Variants in CPEB3 observed in about 807,000 individuals in gnomAD.
The protein encoded by CPEB3 is cytoplasmic polyadenylation element binding protein 3.
In CPEB3, 20 loss-of-function variants were observed where a neutral mutation model predicts 67.2. The observed-to-expected ratio is 0.30, with a 90% CI of 0.21 to 0.43. The LOEUF (loss-of-function observed/expected upper bound fraction) is 0.43. CPEB3 is among the 20% of genes least tolerant of loss of function. The pLI is 1.00. For synonymous variants in CPEB3, 376 were observed against 393.1 expected (o/e 0.96, Z 0.51); for missense variants, 746 against 968.6 (o/e 0.77, Z 3.05).
chr10:92,216,646 T>G, intron 2 of CPEB3: 1 of 1,607,630 alleles, frequency 6.2e-7, no homozygotes. Context: ...ATCTGCCCTA[T>G]GTCTATATCC....
chr10:92,104,355 C>T (rs988915985), intron 7 of CPEB3, among the ~76,000 whole-genome samples: 11 of 151,290 alleles, frequency 7.3e-5, no homozygotes, highest in Non-Finnish European at 1.5e-4. Context: ...CCACTAGCTA[C>T]CATTTAGTAC....
chr10:92,054,460 G>C (rs566231563), intron 9 of CPEB3, among the ~76,000 whole-genome samples: 1 of 150,768 alleles, frequency 6.6e-6, no homozygotes, highest in South Asian at 2.1e-4. Flanking sequence ...TCTCACTCTT[G>C]TTGCCCAGGC....
intron 2 of CPEB3, among the ~76,000 whole-genome samples, chr10:92,235,078 A>G (rs1167819125): frequency 2.6e-5 from 4 of 152,218 alleles, no homozygotes; most frequent in South Asian, 2.1e-4. Context: ...GGATCCTCAC[A>G]TTACTACAAT....
chr10:92,284,679 T>C (rs1039570540), intron 1 of CPEB3, among the ~76,000 whole-genome samples: 1 of 152,106 alleles, frequency 6.6e-6, no homozygotes, highest in Non-Finnish European at 1.5e-5. Context: ...AAATCCTAGT[T>C]ATAATCTCTC....
chr10:92,114,641 A>G (rs1039955380), intron 6 of CPEB3, among the ~76,000 whole-genome samples: 3 of 152,218 alleles, frequency 2.0e-5, no homozygotes, highest in Non-Finnish European at 4.4e-5. Flanking sequence ...CACACACCCT[A>G]TGTGGTAAGC....
intron 6 of CPEB3, among the ~76,000 whole-genome samples, chr10:92,113,583 A>G (rs1260963984): frequency 6.6e-6 from 1 of 152,180 alleles, no homozygotes; most frequent in Non-Finnish European, 1.5e-5. Context: ...ACACATCAAA[A>G]AGGCCTGGTG....
rs1851739258 is a variant in CPEB3 at position 92,239,817 on chromosome 10, T to C, written c.534A>G (p.Pro178=). ...GGGGCTGCGCCTGTGGTGGCTGCGC[T>C]GGCTGTGCCGGCTGCGGCGCGGGCG... ...PPAPAPQPAQ[P]AQPPQAQPPQ... Residue 178 remains proline, a synonymous_variant, in exon 2 of 10, where the codon CCA becomes CCG. Coordinates refer to ENST00000265997, the MANE Select transcript of CPEB3 (RefSeq NM_014912.5). The surrounding 1 kb of genome is among the most constrained non-coding windows in gnomAD (Gnocchi z 6.0). 3 of 1,446,448 alleles carry C rather than the reference T, an allele frequency of 2.1e-6. No individual in the cohort carries two copies. The highest frequency in any genetic ancestry group is 2.8e-5 in the Admixed American group (1 of 35,950). The allele number at this position is 1,446,448 out of a possible 1,614,324, so 89.6% of individuals were successfully genotyped here.
chr10:92,289,718 C>CAAAAAAAAAAAAAAAAAAAAAAAAAAAA (rs749285662), intron 1 of CPEB3, among the ~76,000 whole-genome samples: 2 of 30,984 alleles, frequency 6.5e-5, no homozygotes, highest in East Asian at 6.4e-4. Context: ...GCGTCTCTAC[C>CAAAAAAAAAAAAAAAAAAAAAAAAAAAA]AAAAAAAAAA....
rs561135289 is a variant in CPEB3, at chr10:92,099,105, A to G, written c.1573-7161T>C. Among the ~76,000 whole-genome samples the G allele has an allele frequency of 3.9e-5, 6 of 152,070 alleles. 1 individual carries two copies. The South Asian group carries it at 1.2e-3, about 32-fold the overall frequency. On this transcript the variant is annotated intron_variant, in intron 7 of 9. Transcript: ENST00000265997. Reference sequence around the variant, plus strand: ...AATTTTTATCAATAAAGAGCAAAATAATTATAGCTCCATATAAAAACTAAA... The same window carrying G: ...AATTTTTATCAATAAAGAGCAAAATGATTATAGCTCCATATAAAAACTAAA...
intron 9 of CPEB3, among the ~76,000 whole-genome samples, chr10:92,054,125 T>C (rs1842025242): frequency 6.6e-6 from 1 of 152,186 alleles, no homozygotes; most frequent in African/African-American, 2.4e-5. Context: ...TAGAGAATAA[T>C]TCACATAAGA....
intron 2 of CPEB3, among the ~76,000 whole-genome samples, chr10:92,234,520 C>T (rs1221686075): frequency 2.0e-5 from 3 of 152,276 alleles, no homozygotes; most frequent in Middle Eastern, 3.4e-3. Context: ...GTCCTAGAGA[C>T]AGAATAGTCA....
At chr10:92,248,636 T>C (rs896516607) in intron 1 of CPEB3, among the ~76,000 whole-genome samples, 5 of 152,172 alleles carry the variant, frequency 3.3e-5, no homozygotes, top group Non-Finnish European at 7.3e-5. Flanking sequence ...GAGCAATTAA[T>C]TTTCCCTTAG....
At position 92,058,584 on chromosome 10, in the gene CPEB3, CATACATACAT is replaced by C. The variant is rs775175576; in HGVS notation, c.1870-6155_1870-6146del. On this transcript the variant is annotated intron_variant, in intron 9 of 9. Transcript: ENST00000265997. ...ACATACATACATACATACATACATACATACATACATATATATATATATATAAATTAATTAT... is the reference window on the plus strand; with the variant it reads ...ACATACATACATACATACATACATACATATATATATATATAAATTAATTAT... Among the ~76,000 whole-genome samples the C allele has an allele frequency of 5.1e-4, 62 of 122,574 alleles. No individual in the cohort carries two copies. In the South Asian group the frequency reaches 5.3e-3, roughly 11 times the overall value. 80.4% of individuals were successfully genotyped at this position (122,574 alleles called of 152,430 possible).
intron 3 of CPEB3, among the ~76,000 whole-genome samples, chr10:92,187,192 C>A (rs999324663): frequency 1.3e-5 from 2 of 152,132 alleles, no homozygotes; most frequent in African/African-American, 4.8e-5. Flanking sequence ...GTGGCATTAT[C>A]TCTTCCATTT....
intron 9 of CPEB3, among the ~76,000 whole-genome samples, chr10:92,070,853 TAA>T (rs56263574): frequency 0.016 from 2,251 of 144,546 alleles, 19 homozygotes; most frequent in Middle Eastern, 0.062. Context: ...GTGACAGGTT[TAA>T]AAAAAAAAAA....
Position 92,047,274 on chromosome 10 carries a change from A to C in CPEB3, c.*4938T>G, listed in dbSNP as rs1006244779. 2.7e-4 allele frequency: 41 copies of C among 152,152 alleles called. No individual in the cohort carries two copies. The highest frequency in any genetic ancestry group is 9.9e-4 in the African/African-American group (41 of 41,556). The allele number at this position is 152,152 out of a possible 1,614,324, so 9.4% of individuals were successfully genotyped here. ...TTGGTTATTATAAAAGAAAAAAAAA[A>C]ACAAATGTTAGCTGACATACCATAC... is the stretch of plus-strand genomic sequence containing the variant. On this transcript the variant is annotated 3_prime_UTR_variant, in exon 10 of 10. Transcript: ENST00000265997.
At chr10:92,121,303 C>T (rs1005262120) in intron 6 of CPEB3, among the ~76,000 whole-genome samples, 6 of 150,190 alleles carry the variant, frequency 4.0e-5, no homozygotes, top group South Asian at 2.1e-4. Context: ...CCACCACGCC[C>T]GGTCTACAAC....
chr10:92,058,288 G>A (rs1222033517), intron 9 of CPEB3, among the ~76,000 whole-genome samples: 1 of 152,184 alleles, frequency 6.6e-6, no homozygotes, highest in Non-Finnish European at 1.5e-5. Context: ...GCTCACGCCT[G>A]TAATACCTGC....
At chr10:92,098,411 A>G (rs1416296635) in intron 7 of CPEB3, among the ~76,000 whole-genome samples, 2 of 151,570 alleles carry the variant, frequency 1.3e-5, no homozygotes, top group Non-Finnish European at 2.9e-5. Flanking sequence ...CAGGTTCAAG[A>G]GATTCTCCTG....
Sources: allele counts gnomAD v4.1 joint callset (sites outside exome capture counted in the v4.1 genomes callset), GRCh38; gene constraint gnomAD v4.1.1; non-coding constraint Gnocchi (gnomAD v3.1); transcripts MANE v1.5; gene names NCBI Gene and HGNC (gene_info 2026-07-23, HGNC 2026-07-21).